The following UTP20 variants were observed in gnomAD, a reference collection of about 807,000 sequenced individuals.
The protein encoded by UTP20 is small subunit processome component 20 homolog.
UTP20 carries 164 observed loss-of-function variants against 329.5 expected under a neutral mutation model. That is an observed-to-expected ratio of 0.50 (90% CI 0.44 to 0.57). The LOEUF (loss-of-function observed/expected upper bound fraction) is 0.57. Ranked by LOEUF, UTP20 falls within the 20% of genes least tolerant of loss-of-function variation. The probability of loss-of-function intolerance (pLI) is 0.00; values close to 1 mark genes in which losing one functional copy is unlikely to be tolerated. For synonymous variants in UTP20, 1,151 were observed against 1,159.3 expected (o/e 0.99, Z 0.14); for missense variants, 3,055 against 3,284.2 (o/e 0.93, Z 1.71).
At chr12:101,341,426 G>C (rs1416260926) in intron 32 of UTP20, among the ~76,000 whole-genome samples, 1 of 152,118 alleles carries the variant, frequency 6.6e-6, no homozygotes, top group Admixed American at 6.5e-5. Context: ...AAGCTCATTT[G>C]TCAGACCTCA....
Position 101,333,322 on chromosome 12 carries a change from C to A in UTP20, c.3439C>A (p.Pro1147Thr). ...ACAGATACAGCTGAGATTTATTAAT[C>A]CATTGAAAAATTTAAGACGTCTTGG... is the stretch of plus-strand genomic sequence containing the variant. ...REKIQLRFIN[P>T]LKNLRRLGIK... Residue 1147 changes from proline to threonine, a missense_variant, in exon 28 of 62, where the codon CCA becomes ACA. This residue lies in a region of UTP20 where 2,445 missense variants were observed against 2,575.5 expected (regional missense o/e 0.95). Transcript: ENST00000261637. The A allele has an allele frequency of 1.2e-6, 2 of 1,613,436 alleles. No individual in the cohort carries two copies. The highest frequency in any genetic ancestry group is 1.1e-5 in the South Asian group (1 of 90,958).
At chr12:101,311,406 C>A (rs1872785969) in intron 19 of UTP20, among the ~76,000 whole-genome samples, 1 of 152,162 alleles carries the variant, frequency 6.6e-6, no homozygotes, top group Admixed American at 6.5e-5. Context: ...AGGGCCCCTT[C>A]TTCTCTTAAT....
chr12:101,344,934 CTTTTTTTTTTTTTTTTT>C (rs11417670), intron 36 of UTP20, among the ~76,000 whole-genome samples, 184 bp downstream of exon 36: 3 of 61,564 alleles, frequency 4.9e-5, no homozygotes, highest in African/African-American at 1.2e-4. Context: ...CTTTTTTTTG[CTTTTTTTTTTTTTTTTT>C]TTTTTTTTTT....
chr12:101,331,564 A>G (rs999243572), intron 27 of UTP20, among the ~76,000 whole-genome samples: 2 of 152,228 alleles, frequency 1.3e-5, no homozygotes, highest in Non-Finnish European at 2.9e-5. Flanking sequence ...AGGCTTGCTC[A>G]GCAAACTAAT....
chr12:101,319,792 T>C (rs979815421), intron 23 of UTP20, among the ~76,000 whole-genome samples, 157 bp downstream of exon 23: 1 of 152,208 alleles, frequency 6.6e-6, no homozygotes, highest in Non-Finnish European at 1.5e-5. Context: ...TAGACATATT[T>C]TCTGTTATCT....
At chr12:101,309,668 C>T in intron 18 of UTP20, 95 bp from the exon 19 acceptor site, 1 of 1,249,764 alleles carries the variant, frequency 8.0e-7, no homozygotes, top group Non-Finnish European at 1.1e-6. Flanking sequence ...CTTTCCAAAC[C>T]TCAGGTTGTC....
Position 101,376,698 on chromosome 12 carries a change from G to A in UTP20, c.7396+942G>A, listed in dbSNP as rs1870484089. 2.0e-5 allele frequency among the ~76,000 whole-genome samples: 3 copies of A among 152,088 alleles called. No homozygotes were observed. The South Asian group carries it at 6.2e-4, about 32-fold the overall frequency. On this transcript the variant is annotated intron_variant, in intron 56 of 61. Coordinates refer to ENST00000261637, the MANE Select transcript of UTP20 (RefSeq NM_014503.3). ...GTCTCGCTCTGTCACCCAGACTGGA[G>A]TTAAATGGCACGATCTCAGCACACT...
At chr12:101,307,310 C>G (rs1872667302) in intron 17 of UTP20, among the ~76,000 whole-genome samples, 1 of 150,990 alleles carries the variant, frequency 6.6e-6, no homozygotes, top group Non-Finnish European at 1.5e-5. Context: ...CACACACACA[C>G]ACACACACAC....
intron 5 of UTP20, 70 bp from the exon 6 acceptor site, chr12:101,288,890 G>A (rs1872042544): frequency 7.3e-7 from 1 of 1,361,740 alleles, no homozygotes; most frequent in Non-Finnish European, 1.0e-6. Flanking sequence ...TGCCCATATT[G>A]TTGACATGTA....
At chr12:101,334,313 G>A in intron 28 of UTP20, 112 bp from the exon 29 acceptor site, 1 of 829,768 alleles carries the variant, frequency 1.2e-6, no homozygotes, top group Non-Finnish European at 1.9e-6. Flanking sequence ...GTTCATCTCT[G>A]TCCCTTGTCT....
In UTP20 at chr12:101,383,137, C is replaced by T; in HGVS notation, c.7753C>T (p.Gln2585Ter). The T allele has an allele frequency of 6.2e-7, 1 of 1,613,710 alleles. No individual in the cohort carries two copies. Among genetic ancestry groups the T allele is most frequent in the South Asian group, 1.1e-5 (1 of 91,040 alleles). Residue 2585 changes from glutamine to a stop codon, truncating the protein, a stop_gained, in exon 59 of 62, where the codon CAA (glutamine) becomes TAA (stop). Transcript: ENST00000261637. LOFTEE classifies it high-confidence loss of function. ...TAAGATAAAAGAAGACCTGGAAGAA[C>T]AAGAAGCTTTAGAAGATGGTGTGGC... is the stretch of plus-strand genomic sequence containing the variant. ...QSKIKEDLEE[Q>*]EALEDGVACA...
At chr12:101,340,914 A>T in intron 32 of UTP20, among the ~76,000 whole-genome samples, 1 of 137,388 alleles carries the variant, frequency 7.3e-6, no homozygotes, top group African/African-American at 2.6e-5. Context: ...CAAGCCTGGA[A>T]CCCAAGAAGT....
chr12:101,360,551 G>T (rs1482390578), intron 43 of UTP20, among the ~76,000 whole-genome samples: 1 of 152,176 alleles, frequency 6.6e-6, no homozygotes, highest in Non-Finnish European at 1.5e-5. Context: ...GGGGCCGAAT[G>T]CTGTGGCTCA....
rs954374910 is a variant in UTP20 at position 101,293,709 on chromosome 12, A to G, written c.1251+464A>G. On this transcript the variant is annotated intron_variant, in intron 11 of 61. Coordinates refer to ENST00000261637, the MANE Select transcript of UTP20 (RefSeq NM_014503.3). ...ATACATCATGGAAACATATCTCTGT[A>G]TCTGTCCTCTCAATATTCTTCCTTT... 3.3e-5 allele frequency among the ~76,000 whole-genome samples: 5 copies of G among 152,166 alleles called. No homozygotes were observed. The South Asian group carries it at 6.2e-4, about 19-fold the overall frequency.
At chr12:101,370,951 T>C (rs1870265154) in intron 50 of UTP20, 107 bp from the exon 51 acceptor site, 3 of 918,654 alleles carry the variant, frequency 3.3e-6, no homozygotes, top group Non-Finnish European at 3.3e-6. Flanking sequence ...TTGAAGATAC[T>C]TTCTTGTGTT....
At position 101,361,980 on chromosome 12, in the gene UTP20, A is replaced by G. The variant is rs1201199611; in HGVS notation, c.5710A>G (p.Thr1904Ala). Reference sequence around the variant, plus strand: ...ATGTTAGGTCCATGTGCTGACTTTCACCGTTCACATGCTGCTGCAAGGCCT... The same window carrying G: ...ATGTTAGGTCCATGTGCTGACTTTCGCCGTTCACATGCTGCTGCAAGGCCT... ...RGYQVHVLTFTVHMLLQGLTN... is the reference protein window; with the variant it reads ...RGYQVHVLTFAVHMLLQGLTN... Residue 1904 changes from threonine (T) to alanine (A), a missense_variant, in exon 44 of 62, where the codon ACC becomes GCC. Physicochemically the swap from Thr to Ala is moderately conservative, Grantham distance 58. Coordinates refer to ENST00000261637, the MANE Select transcript of UTP20 (RefSeq NM_014503.3). 1 of 1,613,524 alleles carries G rather than the reference A, an allele frequency of 6.2e-7. No homozygotes were observed. Among genetic ancestry groups the G allele is most frequent in the Non-Finnish European group, 8.5e-7 (1 of 1,179,736 alleles).
At position 101,356,632 on chromosome 12, in the gene UTP20, T is replaced by G; in HGVS notation, c.5473T>G (p.Phe1825Val). The G allele has an allele frequency of 6.2e-7, 1 of 1,614,068 alleles. No individual in the cohort carries two copies. Residue 1825 changes from phenylalanine to valine, a missense_variant, in exon 42 of 62, where the codon TTT becomes GTT. Physicochemically the swap from Phe to Val is conservative, Grantham distance 50. This residue lies in a region of UTP20 where 2,445 missense variants were observed against 2,575.5 expected (regional missense o/e 0.95). Coordinates refer to ENST00000261637, the MANE Select transcript of UTP20 (RefSeq NM_014503.3). The part of the protein sequence containing the change: ...DEEVVRVPLA[F>V]AMVKLMQSLP... ...GGAAGTCGTTCGAGTTCCATTAGCTTTTGCCATGGTTAAACTAATGCAGTC... is the reference window on the plus strand; with the variant it reads ...GGAAGTCGTTCGAGTTCCATTAGCTGTTGCCATGGTTAAACTAATGCAGTC...
chr12:101,379,893 C>A (rs1593456858), intron 57 of UTP20, among the ~76,000 whole-genome samples: 1 of 150,478 alleles, frequency 6.6e-6, no homozygotes, highest in Middle Eastern at 3.4e-3. Context: ...GATCTCGGGT[C>A]ACTGCAACCT....
Position 101,356,620 on chromosome 12 carries a change from G to A in UTP20, c.5461G>A (p.Val1821Ile), listed in dbSNP as rs1216693636. ...KVVNDEEVVRVPLAFAMVKLM... is the reference protein window; with the variant it reads ...KVVNDEEVVRIPLAFAMVKLM... ...TGTGAATGATGAGGAAGTCGTTCGA[G>A]TTCCATTAGCTTTTGCCATGGTTAA... The change falls in exon 42 of 62, where the codon GTT becomes ATT. Residue 1821 changes from valine to isoleucine, a missense_variant. Physicochemically the swap from Val to Ile is conservative, Grantham distance 29. Around this residue, in one of 3 missense-constraint regions of UTP20, gnomAD observed 2,445 missense variants for 2,575.5 expected, o/e 0.95. Transcript: ENST00000261637. 7.4e-6 allele frequency: 12 copies of A among 1,613,910 alleles called. No individual in the cohort carries two copies. Among genetic ancestry groups the A allele is most frequent in the Non-Finnish European group, 1.0e-5 (12 of 1,179,942 alleles).
Sources: allele counts gnomAD v4.1 joint callset (sites outside exome capture counted in the v4.1 genomes callset), GRCh38; gene constraint gnomAD v4.1.1; regional missense constraint gnomAD v4.1.1; transcripts MANE v1.5; gene names NCBI Gene and HGNC (gene_info 2026-07-23, HGNC 2026-07-21).